Variants in LRP6 observed in about 807,000 individuals in gnomAD.
LRP6 encodes LDL receptor related protein 6.
LRP6 carries 43 observed loss-of-function variants against 184.1 expected under a neutral mutation model. The observed-to-expected ratio is 0.23, with a 90% CI of 0.18 to 0.30. LRP6 has a LOEUF of 0.30. Ranked by LOEUF, LRP6 falls within the 10% of genes least tolerant of loss-of-function variation. LRP6 has a pLI of 1.00. For synonymous variants in LRP6, 719 were observed against 684.9 expected (o/e 1.05, Z -0.78); for missense variants, 1,571 against 2,005.3 (o/e 0.78, Z 4.14).
chr12:12,124,222 A>C (rs1949641392), intron 22 of LRP6, among the ~76,000 whole-genome samples: 3 of 152,136 alleles, frequency 2.0e-5, no homozygotes, highest in Non-Finnish European at 4.4e-5. Context: ...AAAAATACAA[A>C]ATTAGCTGGG....
intron 20 of LRP6, among the ~76,000 whole-genome samples, chr12:12,125,871 T>G (rs1318936295): frequency 1.3e-5 from 2 of 152,232 alleles, no homozygotes; most frequent in East Asian, 3.8e-4. Context: ...AATATAAATG[T>G]TGCTAGAATC....
chr12:12,173,944 A>G (rs1452517998), intron 7 of LRP6, among the ~76,000 whole-genome samples: 1 of 152,184 alleles, frequency 6.6e-6, no homozygotes, highest in African/African-American at 2.4e-5. Context: ...CTAATGATGG[A>G]GTTTATCAAT....
At chr12:12,194,216 A>G (rs373139068) in intron 3 of LRP6, among the ~76,000 whole-genome samples, 1 of 152,090 alleles carries the variant, frequency 6.6e-6, no homozygotes, top group Admixed American at 6.6e-5. Context: ...CCCTTTATTA[A>G]AAAAACCTAC....
At chr12:12,175,918 G>A (rs376310432) in intron 7 of LRP6, among the ~76,000 whole-genome samples, 4 of 151,534 alleles carry the variant, frequency 2.6e-5, no homozygotes, top group East Asian at 3.9e-4. Flanking sequence ...TTACACCATG[G>A]CAAAAATGCT....
At chr12:12,143,223 G>A (rs1371203799) in intron 15 of LRP6, among the ~76,000 whole-genome samples, 2 of 152,090 alleles carry the variant, frequency 1.3e-5, no homozygotes, top group African/African-American at 4.8e-5. Context: ...AGATAGGCAA[G>A]ACCTCTATGC....
At chr12:12,133,862 G>GGGGA (rs1949793348) in intron 17 of LRP6, among the ~76,000 whole-genome samples, 1 of 38,638 alleles carries the variant, frequency 2.6e-5, no homozygotes, top group Non-Finnish European at 4.7e-5. Flanking sequence ...GGGGGGGGGG[G>GGGGA]AGGGTAAAGT....
intron 2 of LRP6, among the ~76,000 whole-genome samples, chr12:12,217,626 T>C (rs1452550370): frequency 2.0e-5 from 3 of 152,120 alleles, no homozygotes; most frequent in African/African-American, 4.8e-5. Context: ...GATTTCCCTA[T>C]TGCTAAACAT....
At chr12:12,168,847 A>C (rs1862954334) in intron 7 of LRP6, among the ~76,000 whole-genome samples, 1 of 151,622 alleles carries the variant, frequency 6.6e-6, no homozygotes, top group Admixed American at 6.6e-5. Flanking sequence ...GTTTTTTTTT[A>C]AAGAAAGGTT....
intron 17 of LRP6, among the ~76,000 whole-genome samples, chr12:12,134,859 T>C (rs1233406921): frequency 6.6e-6 from 1 of 152,138 alleles, no homozygotes; most frequent in Non-Finnish European, 1.5e-5. Context: ...AATCCTGTCA[T>C]TTGCAACAAC....
intron 15 of LRP6, among the ~76,000 whole-genome samples, chr12:12,140,472 T>C (rs1467013349): frequency 1.3e-5 from 2 of 151,096 alleles, no homozygotes; most frequent in Non-Finnish European, 2.9e-5. Flanking sequence ...AAATAAATTA[T>C]CAAAGAAACA....
intron 3 of LRP6, among the ~76,000 whole-genome samples, chr12:12,195,370 C>G (rs570704516): frequency 5.0e-4 from 76 of 151,972 alleles, no homozygotes; most frequent in African/African-American, 1.7e-3. Flanking sequence ...TATTTTTTGT[C>G]TTTTTGGTAA....
rs1357583428 is a variant in LRP6 at position 12,118,114 on chromosome 12, T to C, written c.*3012A>G. 1 of 152,204 alleles carries C rather than the reference T, an allele frequency of 6.6e-6. No homozygotes were observed. Among genetic ancestry groups the C allele is most frequent in the Admixed American group, 6.5e-5 (1 of 15,278 alleles). 9.4% of individuals were successfully genotyped at this position (152,204 alleles called of 1,614,324 possible). ...TACATAATCTTCTGCTAAACAGATATCTTGTGATATGCTGTAAGAGTGGCA... is the reference window on the plus strand; with the variant it reads ...TACATAATCTTCTGCTAAACAGATACCTTGTGATATGCTGTAAGAGTGGCA... On this transcript the variant is annotated 3_prime_UTR_variant, in exon 23 of 23. Coordinates refer to ENST00000261349, the MANE Select transcript of LRP6 (RefSeq NM_002336.3).
chr12:12,138,745 G>C, intron 15 of LRP6: 1 of 1,478,336 alleles, frequency 6.8e-7, no homozygotes, highest in Non-Finnish European at 9.1e-7. Flanking sequence ...GCAAGTAAGT[G>C]CCCAATGTGC....
At position 12,181,005 on chromosome 12, in the gene LRP6, A is replaced by G. The variant is rs779812984; in HGVS notation, c.1373+38T>C. 2.5e-6 allele frequency: 4 copies of G among 1,612,682 alleles called. No homozygotes were observed. The South Asian group carries it at 3.3e-5, about 13-fold the overall frequency. On this transcript the variant is annotated intron_variant, in intron 6 of 22. Transcript: ENST00000261349. ...TTTTCAGGAACCTGTGAAAAACAGAAACACCACACAGAATTTACTATCAGT... is the reference window on the plus strand; with the variant it reads ...TTTTCAGGAACCTGTGAAAAACAGAGACACCACACAGAATTTACTATCAGT...
chr12:12,148,222 A>G (rs2136912903), intron 14 of LRP6, among the ~76,000 whole-genome samples: 1 of 151,808 alleles, frequency 6.6e-6, no homozygotes, highest in East Asian at 1.9e-4. Flanking sequence ...ATAGGCACAC[A>G]TATGTTTTCA....
chr12:12,252,205 G>C (rs1241918555), intron 1 of LRP6, among the ~76,000 whole-genome samples: 1 of 151,516 alleles, frequency 6.6e-6, no homozygotes, highest in East Asian at 1.9e-4. Flanking sequence ...TTTTTTTCCG[G>C]TCACTTTTGG....
chr12:12,166,766 T>C (rs1041214439), intron 7 of LRP6, among the ~76,000 whole-genome samples: 1 of 152,228 alleles, frequency 6.6e-6, no homozygotes, highest in African/African-American at 2.4e-5. Flanking sequence ...TTTTGATAAA[T>C]AAATAGCTTA....
At chr12:12,164,950 AAAAAAGGC>A in intron 8 of LRP6, 121 bp downstream of exon 8, 1 of 516,094 alleles carries the variant, frequency 1.9e-6, no homozygotes, top group Non-Finnish European at 3.3e-6. Flanking sequence ...AAAAAAAAAA[AAAAAAGGC>A]GGGGGGGCAG....
rs1949746766 is a variant in LRP6 at position 12,131,096 on chromosome 12, C to CTT, written c.3971-204_3971-203insAA. Among the ~76,000 whole-genome samples, 57 of 105,356 alleles carry CTT rather than the reference C, an allele frequency of 5.4e-4. 1 individual carries two copies. The highest frequency in any genetic ancestry group is 1.7e-3 in the African/African-American group (50 of 29,366). The allele number at this position is 105,356 out of a possible 152,430, so 69.1% of individuals were successfully genotyped here. A position where few individuals can be genotyped will look rare whatever the true frequency, so the allele number is the denominator to read the frequency against. Reference sequence around the variant, plus strand: ...AAAAATCCAGCAGGAAATTTCCTAACATTTTTTTTTTTTTTTTTTTTTTTT... The same window carrying CTT: ...AAAAATCCAGCAGGAAATTTCCTAACTTATTTTTTTTTTTTTTTTTTTTTTTT... On this transcript the variant is annotated intron_variant, in intron 18 of 22. Coordinates refer to ENST00000261349, the MANE Select transcript of LRP6 (RefSeq NM_002336.3).
Sources: allele counts gnomAD v4.1 joint callset (sites outside exome capture counted in the v4.1 genomes callset), GRCh38; gene constraint gnomAD v4.1.1; transcripts MANE v1.5; gene names NCBI Gene and HGNC (gene_info 2026-07-23, HGNC 2026-07-21).